GCNT2: variants seen among roughly 807,000 people sequenced by gnomAD.
GCNT2 encodes the protein N-acetyllactosaminide beta-1,6-N-acetylglucosaminyl-transferase.
A neutral mutation model predicts 34.2 loss-of-function variants in GCNT2; 34 were observed. That is an observed-to-expected ratio of 1.00 (90% CI 0.76 to 1.32). The LOEUF is 1.32. Ranked by LOEUF, GCNT2 falls within the 40% of genes most tolerant of loss-of-function variation. The pLI is 0.00. For missense variants in GCNT2, 584 were observed against 489.4 expected (o/e 1.19, Z -1.82); for synonymous variants, 212 against 188.0 (o/e 1.13, Z -1.04).
intron 3 of GCNT2, among the ~76,000 whole-genome samples, chr6:10,545,563 A>G (rs945708237): frequency 2.6e-5 from 4 of 152,200 alleles, no homozygotes; most frequent in Non-Finnish European, 5.9e-5. Context: ...TCAAATTCCT[A>G]TGATCGTTGC....
intron 3 of GCNT2, among the ~76,000 whole-genome samples, chr6:10,588,118 TAGAG>T (rs1764437592): frequency 1.3e-5 from 2 of 152,076 alleles, no homozygotes; most frequent in Non-Finnish European, 2.9e-5. Context: ...AAAATCTACT[TAGAG>T]AGGGACAGAA....
intron 3 of GCNT2, among the ~76,000 whole-genome samples, chr6:10,552,450 G>A (rs1054204020): frequency 6.6e-6 from 1 of 151,816 alleles, no homozygotes; most frequent in East Asian, 1.9e-4. Context: ...GACCTTGGGC[G>A]GGGGAAAAAG....
chr6:10,543,352 C>T (rs1310153296), intron 3 of GCNT2, among the ~76,000 whole-genome samples: 2 of 151,902 alleles, frequency 1.3e-5, no homozygotes, highest in African/African-American at 4.8e-5. Flanking sequence ...CCACACCCAG[C>T]TAACTTGTTT....
chr6:10,580,152 C>T (rs1389505950), intron 3 of GCNT2, among the ~76,000 whole-genome samples: 1 of 152,194 alleles, frequency 6.6e-6, no homozygotes, highest in Non-Finnish European at 1.5e-5. Flanking sequence ...AAATGCCATC[C>T]TTAGGGGTAA....
At chr6:10,593,085 AAC>A (rs1338858315) in intron 3 of GCNT2, among the ~76,000 whole-genome samples, 2 of 152,236 alleles carry the variant, frequency 1.3e-5, no homozygotes, top group African/African-American at 4.8e-5. Flanking sequence ...CATTTTATAA[AAC>A]AAGACAAATT....
At chr6:10,589,925 C>CT (rs894279226) in intron 3 of GCNT2, among the ~76,000 whole-genome samples, 6 of 152,106 alleles carry the variant, frequency 3.9e-5, no homozygotes, top group African/African-American at 1.4e-4. Flanking sequence ...TTAAGAAGCT[C>CT]TTTTTTCATT....
rs1417339047 is a variant in GCNT2 at position 10,629,293 on chromosome 6, T to A, written c.*2686T>A. 1 of 152,648 alleles carries A rather than the reference T, an allele frequency of 6.6e-6. No individual in the cohort carries two copies. The highest frequency in any genetic ancestry group is 1.5e-5 in the Non-Finnish European group (1 of 68,040). 9.5% of individuals were successfully genotyped at this position (152,648 alleles called of 1,614,324 possible). A position where few individuals can be genotyped will look rare whatever the true frequency, so the allele number is the denominator to read the frequency against. On this transcript the variant is annotated 3_prime_UTR_variant, in exon 5 of 5. Transcript: ENST00000495262. ...ACAGCCCATGGGAATGCCCTGAAAC[T>A]ACTGTATCTGATGTTTGTTTTCGAT...
chr6:10,523,008 T>G (rs890669629), intron 1 of GCNT2, among the ~76,000 whole-genome samples: 1 of 152,226 alleles, frequency 6.6e-6, no homozygotes, highest in Non-Finnish European at 1.5e-5. Flanking sequence ...AGATATCTTT[T>G]CATGTGCAAA....
At position 10,536,011 on chromosome 6, in the gene GCNT2, C is replaced by T. The variant is rs533236394; in HGVS notation, c.925+6175C>T. ...AGTCCATACTGGCCTTACTCTTTGT[C>T]ACTGTTTGAGGCTGATATATCCCGT... is the stretch of plus-strand genomic sequence containing the variant. On this transcript the variant is annotated intron_variant, in intron 3 of 4. Transcript: ENST00000495262. Among the ~76,000 whole-genome samples, 4 of 152,224 alleles carry T rather than the reference C, an allele frequency of 2.6e-5. No homozygotes were observed. In the South Asian group the frequency reaches 8.3e-4, roughly 32 times the overall value.
chr6:10,575,092 C>A, intron 3 of GCNT2: 1 of 530,014 alleles, frequency 1.9e-6, no homozygotes, highest in East Asian at 3.7e-5. Flanking sequence ...TGAACAGTAC[C>A]CATTCCCTTG....
chr6:10,542,947 G>C (rs1045617389), intron 3 of GCNT2, among the ~76,000 whole-genome samples: 4 of 116,716 alleles, frequency 3.4e-5, no homozygotes, highest in African/African-American at 1.4e-4. Context: ...CACTCTTGTT[G>C]CCCAGGCTGG....
At chr6:10,585,073 G>A (rs1357932120) in intron 3 of GCNT2, among the ~76,000 whole-genome samples, 1 of 96,310 alleles carries the variant, frequency 1.0e-5, no homozygotes, top group Non-Finnish European at 2.1e-5. Context: ...GTGTGTGTGT[G>A]TGTGTGCGCG....
rs543156017 is a variant in GCNT2, at chr6:10,545,951, G to GGGTCTA, written c.925+16117_925+16122dup. On this transcript the variant is annotated intron_variant, in intron 3 of 4. Transcript: ENST00000495262. ...ACCTGGAGTTGTTCCAAAGGTTGCA[G>GGGTCTA]GGTCTAGTTCCAAGGGCAGCTAGAA... 6.6e-5 allele frequency among the ~76,000 whole-genome samples: 10 copies of GGGTCTA among 152,336 alleles called. No individual in the cohort carries two copies. In the South Asian group the frequency reaches 1.9e-3, roughly 28 times the overall value.
intron 3 of GCNT2, among the ~76,000 whole-genome samples, chr6:10,584,416 C>T (rs1764249870): frequency 6.6e-6 from 1 of 152,158 alleles, no homozygotes; most frequent in African/African-American, 2.4e-5. Flanking sequence ...ATTCCATTCC[C>T]AGGGACGTGC....
At chr6:10,545,835 A>G (rs1283778460) in intron 3 of GCNT2, among the ~76,000 whole-genome samples, 3 of 152,192 alleles carry the variant, frequency 2.0e-5, no homozygotes, top group African/African-American at 7.2e-5. Flanking sequence ...ATGGCAGGGT[A>G]AATGAAATTA....
chr6:10,586,075 C>A (rs775325397), intron 3 of GCNT2: 7 of 1,613,960 alleles, frequency 4.3e-6, no homozygotes, highest in Non-Finnish European at 1.7e-6. Context: ...CAATTGAGCC[C>A]GCCAAAAAGT....
At chr6:10,582,935 T>C (rs1764185980) in intron 3 of GCNT2, among the ~76,000 whole-genome samples, 1 of 152,142 alleles carries the variant, frequency 6.6e-6, no homozygotes, top group African/African-American at 2.4e-5. Flanking sequence ...CACTGTTCTT[T>C]ATCTTTTCAC....
intron 3 of GCNT2, among the ~76,000 whole-genome samples, chr6:10,602,282 C>G (rs544028565): frequency 1.3e-5 from 2 of 152,166 alleles, no homozygotes; most frequent in South Asian, 4.1e-4. Flanking sequence ...CCTGGTACTC[C>G]TAGGACCCCC....
At chr6:10,595,563 C>T (rs1361085353) in intron 3 of GCNT2, among the ~76,000 whole-genome samples, 6 of 152,158 alleles carry the variant, frequency 3.9e-5, no homozygotes, top group Non-Finnish European at 1.5e-5. Flanking sequence ...AGGCGTGCCA[C>T]TCTGCCCGGC....
Sources: allele counts gnomAD v4.1 joint callset (sites outside exome capture counted in the v4.1 genomes callset), GRCh38; gene constraint gnomAD v4.1.1; transcripts MANE v1.5; gene names NCBI Gene and HGNC (gene_info 2026-07-23, HGNC 2026-07-21).